The following PRKAG2 variants were observed in gnomAD, a reference collection of about 807,000 sequenced individuals.
PRKAG2 encodes protein kinase AMP-activated non-catalytic subunit gamma 2.
Under a neutral mutation model 69.6 loss-of-function variants are expected in PRKAG2, and 26 were observed. The ratio of observed to expected loss-of-function variants is 0.37; its 90% CI spans 0.27 to 0.52. The LOEUF (loss-of-function observed/expected upper bound fraction) is 0.52, where lower values mean the gene tolerates loss of function less well. Among genes scored for constraint, PRKAG2 ranks in the 20% least tolerant of loss-of-function variants. The pLI is 0.90. For missense variants in PRKAG2, 557 were observed against 740.0 expected, an observed-to-expected ratio of 0.75 and a Z score of 2.87; for synonymous variants, 293 against 285.0, an observed-to-expected ratio of 1.03 and a Z score of -0.28.
chr7:151,870,221 G>A (rs938430536), intron 1 of PRKAG2, among the ~76,000 whole-genome samples: 3 of 151,780 alleles, frequency 2.0e-5, no homozygotes, highest in Admixed American at 1.3e-4. Context: ...AACTCATGGG[G>A]GCAGAAGAAA....
chr7:151,648,489 C>T (rs1043753089), intron 4 of PRKAG2, among the ~76,000 whole-genome samples: 15 of 152,170 alleles, frequency 9.9e-5, no homozygotes, highest in African/African-American at 3.6e-4. Context: ...AGCACGGAGA[C>T]ATTGCTAGGA....
At chr7:151,714,255 T>C (rs1306827399) in intron 3 of PRKAG2, among the ~76,000 whole-genome samples, 1 of 151,776 alleles carries the variant, frequency 6.6e-6, no homozygotes, top group African/African-American at 2.4e-5. Flanking sequence ...TAACTTACGT[T>C]TGACTTCTAA....
At chr7:151,631,918 C>T (rs1043720645) in intron 5 of PRKAG2, 151 bp downstream of exon 5, 35 of 806,190 alleles carry the variant, frequency 4.3e-5, no homozygotes, top group Non-Finnish European at 5.3e-5. Flanking sequence ...CGCATCCCCG[C>T]CCCGGTTCCC....
chr7:151,795,275 G>A (rs921739326), intron 1 of PRKAG2, among the ~76,000 whole-genome samples: 18 of 152,202 alleles, frequency 1.2e-4, no homozygotes, highest in African/African-American at 3.9e-4. Context: ...GGGAGGCCCC[G>A]GGACATGCAG....
intron 15 of PRKAG2, 154 bp from the exon 16 acceptor site, chr7:151,557,386 C>T: frequency 1.0e-6 from 1 of 985,238 alleles, no homozygotes; most frequent in Non-Finnish European, 1.2e-6. Flanking sequence ...GGCCCAAGCT[C>T]CCATCTCCCA....
chr7:151,579,353 C>T (rs891340577), intron 6 of PRKAG2, among the ~76,000 whole-genome samples: 1 of 152,184 alleles, frequency 6.6e-6, no homozygotes, highest in Non-Finnish European at 1.5e-5. Context: ...AAATTGCTTA[C>T]TGTTTTCTTC....
At position 151,718,612 on chromosome 7, in the gene PRKAG2, C is replaced by CAAA. The variant is rs35143182; in HGVS notation, c.467-42978_467-42976dup. On this transcript the variant is annotated intron_variant, in intron 3 of 15. Transcript: ENST00000287878. ...AGTAGCTCATGAAGTCCCCAGGATG[C>CAAA]AAAAAAAAAAAAAAAAACCCAAAAA... Among the ~76,000 whole-genome samples the CAAA allele has an allele frequency of 2.5e-3, 188 of 74,760 alleles. 1 individual carries two copies. The highest frequency in any genetic ancestry group is 6.9e-3 in the African/African-American group (178 of 25,798). The allele number at this position is 74,760 out of a possible 152,430, so 49.0% of individuals were successfully genotyped here. A position where few individuals can be genotyped will look rare whatever the true frequency, so the allele number is the denominator to read the frequency against.
intron 1 of PRKAG2, among the ~76,000 whole-genome samples, chr7:151,808,777 G>A (rs1490953157): frequency 6.6e-6 from 1 of 152,150 alleles, no homozygotes; most frequent in African/African-American, 2.4e-5. Context: ...ACAGATGGCT[G>A]CGCGGCCTGA....
intron 3 of PRKAG2, among the ~76,000 whole-genome samples, chr7:151,693,911 G>C (rs1048122466): frequency 1.3e-5 from 2 of 152,224 alleles, no homozygotes; most frequent in Admixed American, 6.5e-5. Context: ...TCGCACTGTT[G>C]CCTAGGCTGG....
chr7:151,666,690 C>A (rs1013472222), intron 4 of PRKAG2, among the ~76,000 whole-genome samples: 1 of 152,268 alleles, frequency 6.6e-6, no homozygotes, highest in East Asian at 1.9e-4. Flanking sequence ...CCATGGCTGG[C>A]AAGCTAGTGA....
intron 3 of PRKAG2, among the ~76,000 whole-genome samples, chr7:151,755,109 G>A (rs2074994154): frequency 6.6e-6 from 1 of 152,306 alleles, no homozygotes; most frequent in African/African-American, 2.4e-5. Context: ...GGGGTCGGGG[G>A]CTGGTCCTTT....
intron 4 of PRKAG2, among the ~76,000 whole-genome samples, chr7:151,643,096 T>G (rs1827012624): frequency 6.6e-6 from 1 of 152,230 alleles, no homozygotes; most frequent in South Asian, 2.1e-4. Flanking sequence ...TCTCTTGCCT[T>G]TCACAAATAA....
chr7:151,717,549 T>C (rs990403478), intron 3 of PRKAG2, among the ~76,000 whole-genome samples: 1 of 152,154 alleles, frequency 6.6e-6, no homozygotes, highest in African/African-American at 2.4e-5. Context: ...CCAGATGCCT[T>C]TTAAGAGAAG....
chr7:151,827,929 G>A (rs1275847658), intron 1 of PRKAG2, among the ~76,000 whole-genome samples: 2 of 152,040 alleles, frequency 1.3e-5, no homozygotes, highest in Non-Finnish European at 2.9e-5. Flanking sequence ...TTCCAGCTTC[G>A]CAGCAGATGC....
At chr7:151,669,839 C>A (rs1392543822) in intron 4 of PRKAG2, among the ~76,000 whole-genome samples, 1 of 135,068 alleles carries the variant, frequency 7.4e-6, no homozygotes, top group Admixed American at 7.4e-5. Flanking sequence ...TGCAGGCACA[C>A]ACCTGTGCAC....
At chr7:151,616,293 TATGCACACAGGCACACACACAC>T (rs1393167744) in intron 5 of PRKAG2, among the ~76,000 whole-genome samples, 1 of 152,134 alleles carries the variant, frequency 6.6e-6, no homozygotes, top group Non-Finnish European at 1.5e-5. Context: ...CACATGCACA[TATGCACACAGGCACACACACAC>T]ATGCACACAC....
In PRKAG2 at chr7:151,556,804, C is replaced by A. The variant is rs1803867829; in HGVS notation, c.*397G>T. 5.0e-6 allele frequency: 1 copy of A among 201,900 alleles called. No individual in the cohort carries two copies. The highest frequency in any genetic ancestry group is 2.3e-5 in the African/African-American group (1 of 42,602). 12.5% of individuals were successfully genotyped at this position (201,900 alleles called of 1,614,324 possible). On this transcript the variant is annotated 3_prime_UTR_variant, in exon 16 of 16. Coordinates refer to ENST00000287878, the MANE Select transcript of PRKAG2 (RefSeq NM_016203.4). ...CTCGGTGTTGTTTCACACGCGTGCGCCCCGGCTGCGGCGGTGACATATTGC... is the reference window on the plus strand; with the variant it reads ...CTCGGTGTTGTTTCACACGCGTGCGACCCGGCTGCGGCGGTGACATATTGC...
chr7:151,577,555 C>T (rs1285611767), intron 6 of PRKAG2, among the ~76,000 whole-genome samples: 2 of 152,192 alleles, frequency 1.3e-5, no homozygotes, highest in African/African-American at 4.8e-5. Flanking sequence ...GCACCAAACA[C>T]TGAGAAAATA....
rs1252606729 is a variant in PRKAG2, at chr7:151,851,068, G to A, written c.114+25439C>T. Among the ~76,000 whole-genome samples, 33 of 152,098 alleles carry A rather than the reference G, an allele frequency of 2.2e-4. 1 individual carries two copies. Among genetic ancestry groups the A allele is most frequent in the Admixed American group, 2.2e-3 (33 of 15,266 alleles). On this transcript the variant is annotated intron_variant, in intron 1 of 15. Coordinates refer to ENST00000287878, the MANE Select transcript of PRKAG2 (RefSeq NM_016203.4). ...TGCCTGGCCCTCTTTATCTGGGATCGAGCCACTCACACCCTTGCTGCCATC... is the reference window on the plus strand; with the variant it reads ...TGCCTGGCCCTCTTTATCTGGGATCAAGCCACTCACACCCTTGCTGCCATC...
Sources: gnomAD v4.1 joint callset for allele counts (sites outside exome capture counted in the v4.1 genomes callset) on GRCh38, gnomAD v4.1.1 for gene constraint, MANE v1.5 for transcripts, NCBI Gene and HGNC (gene_info 2026-07-23, HGNC 2026-07-21) for gene names.